The following STARD13 variants were observed in gnomAD, a reference collection of about 807,000 sequenced individuals.
STARD13 encodes the protein stAR-related lipid transfer protein 13.
Under a neutral mutation model 106.4 loss-of-function variants are expected in STARD13, and 62 were observed. That is an observed-to-expected ratio of 0.58 (90% CI 0.48 to 0.72). The LOEUF (loss-of-function observed/expected upper bound fraction) is 0.72. Ranked by LOEUF, STARD13 falls within the 30% of genes least tolerant of loss-of-function variation. STARD13 has a pLI of 0.00. For missense variants in STARD13, 1,387 were observed against 1,424.0 expected (o/e 0.97, Z 0.42); for synonymous variants, 565 against 553.0 (o/e 1.02, Z -0.31).
chr13:33,636,139 C>CAAAAAAA, the STARD13 span, among the ~76,000 whole-genome samples: 3 of 47,278 alleles, frequency 6.3e-5, no homozygotes, highest in Non-Finnish European at 5.0e-5. Flanking sequence ...GACTCTGTCT[C>CAAAAAAA]AAAAAAAAAA....
chr13:33,336,896 G>A (rs563243874), intron 1 of STARD13, among the ~76,000 whole-genome samples: 1 of 151,982 alleles, frequency 6.6e-6, no homozygotes, highest in Non-Finnish European at 1.5e-5. Context: ...TATCAGGTTG[G>A]TGAAAAAGTA....
At chr13:33,431,903 C>T in the STARD13 span, among the ~76,000 whole-genome samples, 15 of 152,256 alleles carry the variant, frequency 9.9e-5, no homozygotes, top group East Asian at 5.8e-4. Flanking sequence ...GGGGCAATGA[C>T]GGAACCATTA....
At chr13:33,204,463 C>G (rs145190909) in intron 1 of STARD13, among the ~76,000 whole-genome samples, 2 of 152,166 alleles carry the variant, frequency 1.3e-5, no homozygotes, top group East Asian at 3.9e-4. Context: ...ACAAAATCTT[C>G]AACTTTCAGT....
the STARD13 span, among the ~76,000 whole-genome samples, chr13:33,513,925 A>G: frequency 6.6e-6 from 1 of 152,210 alleles, no homozygotes; most frequent in African/African-American, 2.4e-5. Context: ...CAAGATGAAA[A>G]AGACACTGAT....
chr13:33,292,402 GCAA>G (rs1205338794), intron 1 of STARD13, among the ~76,000 whole-genome samples: 2 of 149,752 alleles, frequency 1.3e-5, no homozygotes, highest in Non-Finnish European at 3.0e-5. Flanking sequence ...ACCAGCCTGG[GCAA>G]CATGGCAAAA....
intron 1 of STARD13, among the ~76,000 whole-genome samples, chr13:33,218,612 A>G (rs993780014): frequency 6.6e-6 from 1 of 152,184 alleles, no homozygotes; most frequent in Non-Finnish European, 1.5e-5. Context: ...TTCCTACATT[A>G]TGATGCCTAT....
chr13:33,532,465 C>G, the STARD13 span, among the ~76,000 whole-genome samples: 1 of 152,070 alleles, frequency 6.6e-6, no homozygotes, highest in Non-Finnish European at 1.5e-5. Context: ...TATGTAACTT[C>G]TAATCTTTTT....
Position 33,127,456 on chromosome 13 carries a change from C to G in STARD13, c.1839G>C (p.Leu613=), listed in dbSNP as rs149409954. Residue 613 remains leucine (L), a synonymous_variant, in exon 6 of 14, where the codon CTG becomes CTC. Coordinates refer to ENST00000336934, the MANE Select transcript of STARD13 (RefSeq NM_178006.4). ...PHISSQTASQ[L]SLLQRFSLLR... is the part of the protein sequence containing the mutation. ...GCAGTGAGAAGCGCTGGAGCAGGCT[C>G]AGCTGGCTGGCCGTCTGGCTGCTGA... 1.9e-6 allele frequency: 3 copies of G among 1,601,710 alleles called. No homozygotes were observed. Among genetic ancestry groups the G allele is most frequent in the Non-Finnish European group, 2.5e-6 (3 of 1,178,224 alleles).
the STARD13 span, among the ~76,000 whole-genome samples, chr13:33,419,744 C>T: frequency 2.0e-5 from 3 of 152,370 alleles, no homozygotes; most frequent in South Asian, 6.2e-4. Context: ...GCCCATCAGA[C>T]TAACAGCAGA....
intron 3 of STARD13, among the ~76,000 whole-genome samples, chr13:33,148,660 G>A (rs748182907): frequency 8.5e-5 from 13 of 152,166 alleles, no homozygotes; most frequent in Admixed American, 8.5e-4. Context: ...GGAAGACAGT[G>A]GGCAGCTTCT....
the STARD13 span, among the ~76,000 whole-genome samples, chr13:33,359,850 C>T: frequency 1.3e-5 from 2 of 152,150 alleles, no homozygotes; most frequent in Non-Finnish European, 2.9e-5. Flanking sequence ...TCTCCATCAG[C>T]AATGAGATTA....
At chr13:33,365,137 G>A in the STARD13 span, among the ~76,000 whole-genome samples, 1 of 152,100 alleles carries the variant, frequency 6.6e-6, no homozygotes, top group African/African-American at 2.4e-5. Flanking sequence ...AGGCTCACCT[G>A]AGCCTCAAGC....
At chr13:33,646,515 TC>T in the STARD13 span, among the ~76,000 whole-genome samples, 2 of 152,154 alleles carry the variant, frequency 1.3e-5, no homozygotes, top group Non-Finnish European at 2.9e-5. Flanking sequence ...TTGCCTAAGC[TC>T]TAGCAGACCT....
intron 10 of STARD13, among the ~76,000 whole-genome samples, chr13:33,111,386 C>T (rs186911136): frequency 1.8e-4 from 28 of 152,344 alleles, no homozygotes; most frequent in Admixed American, 5.2e-4. Flanking sequence ...TTTTACATAT[C>T]TGTGGCTGTA....
intron 7 of STARD13, among the ~76,000 whole-genome samples, chr13:33,121,908 C>T (rs1398915626): frequency 1.3e-5 from 2 of 151,662 alleles, no homozygotes; most frequent in Admixed American, 6.6e-5. Context: ...TGCGATGGCA[C>T]GATCTCAGCT....
intron 3 of STARD13, among the ~76,000 whole-genome samples, chr13:33,162,800 A>G (rs1566037588): frequency 6.6e-6 from 1 of 151,940 alleles, no homozygotes; most frequent in African/African-American, 2.4e-5. Context: ...AGGAGGTTCC[A>G]AACTTTCCCA....
the STARD13 span, among the ~76,000 whole-genome samples, chr13:33,503,336 C>T: frequency 6.6e-6 from 1 of 152,110 alleles, no homozygotes; most frequent in Admixed American, 6.6e-5. Context: ...AAACCAGCTC[C>T]TGGATTCATT....
At chr13:33,423,088 G>C in the STARD13 span, among the ~76,000 whole-genome samples, 1 of 152,168 alleles carries the variant, frequency 6.6e-6, no homozygotes, top group African/African-American at 2.4e-5. Context: ...AGCCAAAATA[G>C]ACAAATGGGA....
chr13:33,570,295 AT>A, the STARD13 span, among the ~76,000 whole-genome samples: 1 of 147,642 alleles, frequency 6.8e-6, no homozygotes, highest in Non-Finnish European at 1.5e-5. Context: ...TTATTTGGGG[AT>A]TTGATTTTTC....
Sources: allele counts gnomAD v4.1 joint callset (sites outside exome capture counted in the v4.1 genomes callset), GRCh38; gene constraint gnomAD v4.1.1; transcripts MANE v1.5; gene names NCBI Gene and HGNC (gene_info 2026-07-23, HGNC 2026-07-21).